MAF: variants seen among roughly 807,000 people sequenced by gnomAD.
MAF encodes transcription factor Maf.
In MAF, 10 loss-of-function variants were observed where a neutral mutation model predicts 22.0. That is an observed-to-expected ratio of 0.45 (90% confidence interval 0.28 to 0.77). MAF has a LOEUF of 0.77. Among genes scored for constraint, MAF ranks in the 30% least tolerant of loss-of-function variants. The probability of loss-of-function intolerance (pLI) is 0.12; values close to 1 mark genes in which losing one functional copy is unlikely to be tolerated. For missense variants in MAF, 544 were observed against 548.4 expected, an observed-to-expected ratio of 0.99 and a Z score of 0.08; for synonymous variants, 337 against 255.8, an observed-to-expected ratio of 1.32 and a Z score of -3.03.
At chr16:79,490,609 TAC>T in the MAF span, among the ~76,000 whole-genome samples, 1 of 72,224 alleles carries the variant, frequency 1.4e-5, no homozygotes. Flanking sequence ...CATGCACACA[TAC>T]ACAGACACAC....
chr16:79,429,606 G>A, the MAF span, among the ~76,000 whole-genome samples: 56 of 152,260 alleles, frequency 3.7e-4, no homozygotes, highest in African/African-American at 1.3e-3. Flanking sequence ...ACCCCACTGT[G>A]AGCAGCAAAG....
chr16:79,270,064 G>A, the MAF span, among the ~76,000 whole-genome samples: 7 of 151,828 alleles, frequency 4.6e-5, no homozygotes, highest in South Asian at 4.2e-4. Flanking sequence ...GCATGCTTAC[G>A]GGAATTCAAG....
the MAF span, among the ~76,000 whole-genome samples, chr16:79,390,954 G>T: frequency 6.9e-3 from 1,055 of 152,288 alleles, 4 homozygotes; most frequent in Middle Eastern, 0.014. Context: ...CTGTCTCTCA[G>T]CCCTCAAGTG....
chr16:79,520,062 G>A, the MAF span, among the ~76,000 whole-genome samples: 1 of 152,150 alleles, frequency 6.6e-6, no homozygotes, highest in African/African-American at 2.4e-5. Flanking sequence ...TGGGTCAAAA[G>A]GTTCGCATAG....
chr16:79,506,881 G>T, the MAF span, among the ~76,000 whole-genome samples: 1 of 152,122 alleles, frequency 6.6e-6, no homozygotes, highest in Non-Finnish European at 1.5e-5. Flanking sequence ...TATTTTTAGT[G>T]GGAATGGACA....
chr16:79,510,231 A>G, the MAF span, among the ~76,000 whole-genome samples: 10 of 152,226 alleles, frequency 6.6e-5, no homozygotes, highest in South Asian at 2.1e-4. Flanking sequence ...AAAGGGCTCA[A>G]TAAATATTGC....
At chr16:79,293,256 C>T in the MAF span, among the ~76,000 whole-genome samples, 1 of 152,102 alleles carries the variant, frequency 6.6e-6, no homozygotes, top group African/African-American at 2.4e-5. Flanking sequence ...GATGCTGAGC[C>T]ACCCCAATAA....
At chr16:79,553,658 G>A in the MAF span, among the ~76,000 whole-genome samples, 1 of 152,234 alleles carries the variant, frequency 6.6e-6, no homozygotes, top group East Asian at 1.9e-4. Context: ...AAAGCCCAGG[G>A]GAAGGCTGGA....
the MAF span, among the ~76,000 whole-genome samples, chr16:79,360,330 A>G: frequency 1.6e-3 from 247 of 152,192 alleles, 4 homozygotes; most frequent in African/African-American, 5.6e-3. Context: ...CAGCCTCCCA[A>G]ATGCCCTTAA....
chr16:79,203,441 G>A, the MAF span: 4 of 151,990 alleles, frequency 2.6e-5, no homozygotes, highest in African/African-American at 4.8e-5. Context: ...GTTTCTGGAA[G>A]GCAGAGTTAA....
At chr16:79,324,754 G>C in the MAF span, among the ~76,000 whole-genome samples, 1 of 152,008 alleles carries the variant, frequency 6.6e-6, no homozygotes, top group Non-Finnish European at 1.5e-5. Context: ...GGTGAAGGGG[G>C]ACTGTATTTG....
At chr16:79,502,738 T>A in the MAF span, among the ~76,000 whole-genome samples, 230 of 74,400 alleles carry the variant, frequency 3.1e-3, 6 homozygotes, top group Admixed American at 5.5e-3. Context: ...TATATATATA[T>A]ATATATATAT....
the MAF span, among the ~76,000 whole-genome samples, chr16:79,386,268 CAG>C: frequency 5.1e-4 from 78 of 152,148 alleles, 1 homozygote; most frequent in East Asian, 0.01. Flanking sequence ...AATGTAGACT[CAG>C]TGGGAGCCTT....
chr16:79,405,024 G>T, the MAF span, among the ~76,000 whole-genome samples: 208 of 152,292 alleles, frequency 1.4e-3, 1 homozygote, highest in African/African-American at 4.5e-3. Context: ...GGTACTGGAA[G>T]ATTAGATGGT....
the MAF span, among the ~76,000 whole-genome samples, chr16:79,471,672 G>A: frequency 6.6e-6 from 1 of 152,158 alleles, no homozygotes; most frequent in Admixed American, 6.5e-5. Flanking sequence ...GCAAGGCACT[G>A]TCTCAGAAAT....
chr16:79,573,574 TTTTA>T, the MAF span, among the ~76,000 whole-genome samples: 1 of 152,206 alleles, frequency 6.6e-6, no homozygotes, highest in Non-Finnish European at 1.5e-5. Context: ...CAAGAATGCG[TTTTA>T]TTTGTTTCTA....
At chr16:79,573,246 CT>C in the MAF span, among the ~76,000 whole-genome samples, 158 of 152,286 alleles carry the variant, frequency 1.0e-3, 1 homozygote, top group Middle Eastern at 3.4e-3. Flanking sequence ...TTTTGTTGTG[CT>C]TTTGCTCTGC....
chr16:79,369,320 TC>T, the MAF span, among the ~76,000 whole-genome samples: 1 of 152,190 alleles, frequency 6.6e-6, no homozygotes, highest in Non-Finnish European at 1.5e-5. Flanking sequence ...CGCAAGGAAC[TC>T]ACATTCTAGT....
chr16:79,597,547 TC>T, intron 1 of MAF: 1 of 1,023,112 alleles, frequency 9.8e-7, no homozygotes, highest in Non-Finnish European at 1.2e-6. Context: ...CATTCTGGTA[TC>T]TTTGACAAGG....
Sources: allele counts gnomAD v4.1 joint callset (sites outside exome capture counted in the v4.1 genomes callset), GRCh38; gene constraint gnomAD v4.1.1; transcripts MANE v1.5; gene names NCBI Gene and HGNC (gene_info 2026-07-23, HGNC 2026-07-21).